The following CACNA2D3 variants were observed in gnomAD, a reference collection of about 807,000 sequenced individuals.
CACNA2D3 encodes voltage-dependent calcium channel subunit alpha-2/delta-3.
In CACNA2D3, 60 loss-of-function variants were observed where a neutral mutation model predicts 160.6. That is an observed-to-expected ratio of 0.37 (90% confidence interval 0.30 to 0.46). The LOEUF is 0.46. Ranked by LOEUF, CACNA2D3 falls within the 20% of genes least tolerant of loss-of-function variation. CACNA2D3 has a pLI of 1.00. For missense variants in CACNA2D3, 1,205 were observed against 1,365.0 expected (o/e 0.88, Z 1.85); for synonymous variants, 558 against 492.9 (o/e 1.13, Z -1.75).
At chr3:54,941,733 C>T (rs1028570772) in intron 27 of CACNA2D3, among the ~76,000 whole-genome samples, 1 of 152,090 alleles carries the variant, frequency 6.6e-6, no homozygotes, top group Non-Finnish European at 1.5e-5. Context: ...ATTCTAACCA[C>T]GAGGGTTCGC....
At chr3:54,506,236 A>C (rs1701367637) in intron 5 of CACNA2D3, among the ~76,000 whole-genome samples, 1 of 152,084 alleles carries the variant, frequency 6.6e-6, no homozygotes, top group Non-Finnish European at 1.5e-5. Context: ...CCTCCAGCTC[A>C]GATCTAGTTA....
At chr3:54,725,771 C>CGA (rs1701264445) in intron 11 of CACNA2D3, among the ~76,000 whole-genome samples, 2 of 152,024 alleles carry the variant, frequency 1.3e-5, no homozygotes. Flanking sequence ...CTCAAAATAA[C>CGA]GAGAGCTATT....
At chr3:54,764,443 T>C (rs1309089366) in intron 13 of CACNA2D3, 92 bp downstream of exon 13, 2 of 1,467,070 alleles carry the variant, frequency 1.4e-6, no homozygotes, top group Non-Finnish European at 9.3e-7. Context: ...ATCACTCTTA[T>C]TTTTTGTGTT....
rs115020283 is a variant in CACNA2D3 at position 54,408,900 on chromosome 3, G to T, written c.381+22126G>T. Among the ~76,000 whole-genome samples, 357 of 152,192 alleles carry T rather than the reference G, an allele frequency of 2.3e-3. 3 individuals carry two copies. Among genetic ancestry groups the T allele is most frequent in the African/African-American group, 8.4e-3 (348 of 41,532 alleles). On this transcript the variant is annotated intron_variant, in intron 4 of 37. Transcript: ENST00000474759. ...TATGGGACTCCCACAAACTGAGAGG[G>T]GACCCTAACTCTCCAGGAAATTAGA...
chr3:54,963,072 G>A (rs1188526073), intron 27 of CACNA2D3, among the ~76,000 whole-genome samples: 1 of 152,032 alleles, frequency 6.6e-6, no homozygotes, highest in Non-Finnish European at 1.5e-5. Flanking sequence ...AAACATAATA[G>A]CACTGCAAAT....
chr3:54,609,334 G>A (rs1280450282), intron 9 of CACNA2D3, among the ~76,000 whole-genome samples: 2 of 152,160 alleles, frequency 1.3e-5, no homozygotes, highest in Non-Finnish European at 2.9e-5. Context: ...ATAGATCTGA[G>A]TGGCTTAAGC....
intron 4 of CACNA2D3, among the ~76,000 whole-genome samples, chr3:54,487,271 G>A (rs1226534732): frequency 6.6e-6 from 1 of 152,186 alleles, no homozygotes; most frequent in Admixed American, 6.5e-5. Flanking sequence ...TGGAGGCTGA[G>A]TTGGGAGCAT....
intron 3 of CACNA2D3, among the ~76,000 whole-genome samples, chr3:54,382,829 T>G (rs576034128): frequency 6.6e-6 from 1 of 152,198 alleles, no homozygotes; most frequent in Non-Finnish European, 1.5e-5. Flanking sequence ...TAGAAACTTC[T>G]GTCCCCATGA....
At chr3:54,760,917 A>T (rs969877617) in intron 12 of CACNA2D3, among the ~76,000 whole-genome samples, 1 of 151,940 alleles carries the variant, frequency 6.6e-6, no homozygotes, top group African/African-American at 2.4e-5. Flanking sequence ...ATCCCTGTGG[A>T]GGTGTCGGGT....
chr3:54,913,119 C>G (rs974865081), intron 27 of CACNA2D3, among the ~76,000 whole-genome samples: 1 of 152,146 alleles, frequency 6.6e-6, no homozygotes, highest in Non-Finnish European at 1.5e-5. Flanking sequence ...GGATCTCACT[C>G]GGTCACTCAG....
intron 2 of CACNA2D3, among the ~76,000 whole-genome samples, chr3:54,188,541 C>T (rs1448059380): frequency 1.3e-5 from 2 of 152,196 alleles, no homozygotes; most frequent in East Asian, 3.9e-4. Flanking sequence ...CCAGGTGCCT[C>T]AGAGTCCATG....
intron 11 of CACNA2D3, among the ~76,000 whole-genome samples, chr3:54,669,083 C>A (rs1350384027): frequency 6.6e-6 from 1 of 152,208 alleles, no homozygotes; most frequent in East Asian, 1.9e-4. Context: ...TTGGCTCCTT[C>A]CTGAAACTGT....
intron 3 of CACNA2D3, among the ~76,000 whole-genome samples, chr3:54,342,422 G>C (rs1038111709): frequency 3.3e-5 from 5 of 152,302 alleles, no homozygotes; most frequent in African/African-American, 1.2e-4. Flanking sequence ...GCGTTGAAAT[G>C]GTGGAGATTG....
At chr3:54,385,569 G>A (rs1011585613) in intron 3 of CACNA2D3, among the ~76,000 whole-genome samples, 1 of 152,160 alleles carries the variant, frequency 6.6e-6, no homozygotes, top group South Asian at 2.1e-4. Context: ...ACTGTCTCTG[G>A]CTGGCCTGTC....
At chr3:54,134,126 A>G (rs999564419) in intron 2 of CACNA2D3, among the ~76,000 whole-genome samples, 7 of 152,098 alleles carry the variant, frequency 4.6e-5, no homozygotes, top group African/African-American at 1.7e-4. Context: ...TTTCTGTACA[A>G]TCGACAGCTA....
chr3:54,730,607 A>G lies in CACNA2D3; in HGVS notation c.1168-21992A>G, dbSNP rs541849765. 2.6e-5 allele frequency among the ~76,000 whole-genome samples: 4 copies of G among 152,172 alleles called. No individual in the cohort carries two copies. The South Asian group carries it at 8.3e-4, about 32-fold the overall frequency. ...AACCTCCGCCTCCTGGACTCAAGCAATTCTCCTGTCTCCACCTACCAAGTA... is the reference window on the plus strand; with the variant it reads ...AACCTCCGCCTCCTGGACTCAAGCAGTTCTCCTGTCTCCACCTACCAAGTA... On this transcript the variant is annotated intron_variant, in intron 11 of 37. Coordinates refer to ENST00000474759, the MANE Select transcript of CACNA2D3 (RefSeq NM_018398.3).
At chr3:54,285,320 T>C (rs1233504386) in intron 2 of CACNA2D3, among the ~76,000 whole-genome samples, 1 of 152,144 alleles carries the variant, frequency 6.6e-6, no homozygotes, top group African/African-American at 2.4e-5. Context: ...GCCCACGAAG[T>C]CTCGCTGATA....
At chr3:54,701,783 G>A (rs1700771611) in intron 11 of CACNA2D3, among the ~76,000 whole-genome samples, 1 of 152,064 alleles carries the variant, frequency 6.6e-6, no homozygotes, top group Non-Finnish European at 1.5e-5. Context: ...AGTCTGAATA[G>A]CCAAAGCAAT....
intron 2 of CACNA2D3, among the ~76,000 whole-genome samples, chr3:54,139,097 G>A (rs1423855259): frequency 6.6e-6 from 1 of 152,246 alleles, no homozygotes; most frequent in Non-Finnish European, 1.5e-5. Context: ...GGGCTTGCCT[G>A]CAGTAGAGCT....
Sources: allele counts gnomAD v4.1 joint callset (sites outside exome capture counted in the v4.1 genomes callset), GRCh38; gene constraint gnomAD v4.1.1; transcripts MANE v1.5; gene names NCBI Gene and HGNC (gene_info 2026-07-23, HGNC 2026-07-21).